TMEM9B: variants seen among roughly 807,000 people sequenced by gnomAD.
TMEM9B encodes the protein TMEM9 domain family member B, also known as transmembrane protein 9B.
A neutral mutation model predicts 23.5 loss-of-function variants in TMEM9B; 8 were observed. The observed-to-expected ratio is 0.34, with a 90% CI of 0.20 to 0.61. The LOEUF (loss-of-function observed/expected upper bound fraction) is 0.61, where lower values mean the gene tolerates loss of function less well. TMEM9B is among the 20% of genes least tolerant of loss of function. TMEM9B has a pLI of 0.78. For synonymous variants in TMEM9B, 106 were observed against 96.3 expected (o/e 1.10, Z -0.59); for missense variants, 197 against 252.3 (o/e 0.78, Z 1.49).
chr11:8,959,504 T>C (rs1445842842), intron 2 of TMEM9B, among the ~76,000 whole-genome samples: 1 of 152,252 alleles, frequency 6.6e-6, no homozygotes, highest in African/African-American at 2.4e-5. Context: ...CTGATCTATT[T>C]AGTTTCCTAC....
intron 3 of TMEM9B, among the ~76,000 whole-genome samples, chr11:8,953,943 T>G (rs1319610130): frequency 6.6e-6 from 1 of 152,194 alleles, no homozygotes; most frequent in Non-Finnish European, 1.5e-5. Flanking sequence ...AACATATATA[T>G]CCATACAAAG....
intron 1 of TMEM9B, chr11:8,963,970 A>T (rs1589950138): frequency 1.9e-6 from 1 of 534,288 alleles, no homozygotes; most frequent in Admixed American, 3.6e-5. Flanking sequence ...GACTGTGGGC[A>T]CTGTCGGGGC....
rs148557257 is a variant in TMEM9B at position 8,959,579 on chromosome 11, G to T, written c.197+2513C>A. Among the ~76,000 whole-genome samples, 596 of 152,342 alleles carry T rather than the reference G, an allele frequency of 3.9e-3. 13 individuals are homozygous for T. Among genetic ancestry groups the T allele is most frequent in the Admixed American group, 0.037 (561 of 15,296 alleles). On this transcript the variant is annotated intron_variant, in intron 2 of 4. Coordinates refer to ENST00000534025, the MANE Select transcript of TMEM9B (RefSeq NM_020644.3). ...CTTGGGAATTTTAAGTGCTAAGTAAGTATTGAGTATTTCTTTTGAAGGATA... is the reference window on the plus strand; with the variant it reads ...CTTGGGAATTTTAAGTGCTAAGTAATTATTGAGTATTTCTTTTGAAGGATA...
At chr11:8,956,101 A>C (rs1054228251) in intron 3 of TMEM9B, 89 bp downstream of exon 3, 105 of 1,266,350 alleles carry the variant, frequency 8.3e-5, no homozygotes, top group Non-Finnish European at 1.0e-4. Context: ...TAGGGGTCCA[A>C]ATTTTTCTGT....
Position 8,964,299 on chromosome 11 carries a change from C to T in TMEM9B, c.15G>A (p.Trp5Ter). 5 of 1,583,440 alleles carry T rather than the reference C, an allele frequency of 3.2e-6. No individual in the cohort carries two copies. Among genetic ancestry groups the T allele is most frequent in the South Asian group, 1.2e-5 (1 of 86,728 alleles). The stretch of plus-strand genomic sequence containing the variant: ...AGGAGCCAAGCCGAAGAAGGCCTCC[C>T]CACAGGGTCGCCATCGCTGGGGGCC... MATL[W>*]GGLLRLGSLL... is the part of the protein sequence containing the mutation. Residue 5 changes from tryptophan (W) to a stop codon, truncating the protein, a stop_gained, in exon 1 of 5, where the codon TGG (tryptophan) becomes TGA (stop). Transcript: ENST00000534025. LOFTEE classifies it high-confidence loss of function.
intron 1 of TMEM9B, chr11:8,963,902 G>T (rs1171567193): frequency 2.4e-6 from 1 of 416,508 alleles, no homozygotes; most frequent in Non-Finnish European, 4.3e-6. Context: ...TCAAGTGTAA[G>T]ATGCGTGCAG....
chr11:8,952,275 C>CAT (rs1416270876), intron 4 of TMEM9B, among the ~76,000 whole-genome samples: 1 of 69,466 alleles, frequency 1.4e-5, no homozygotes, highest in Admixed American at 1.8e-4. Flanking sequence ...CACACACACA[C>CAT]ACACGCTATA....
Position 8,948,487 on chromosome 11 carries a change from G to A in TMEM9B, c.442-12C>T, listed in dbSNP as rs772136257. The A allele has an allele frequency of 4.0e-5, 65 of 1,612,778 alleles. No homozygotes were observed. Among genetic ancestry groups the A allele is most frequent in the Non-Finnish European group, 5.5e-5 (65 of 1,179,394 alleles). On this transcript the variant is annotated splice_polypyrimidine_tract_variant and intron_variant, in intron 4 of 4. Transcript: ENST00000534025. Reference sequence around the variant, plus strand: ...AAAGGCTGGTGATCCTAAAAGTCCAGGAATGGAGAACATTAGAGATGGCAC... The same window carrying A: ...AAAGGCTGGTGATCCTAAAAGTCCAAGAATGGAGAACATTAGAGATGGCAC...
chr11:8,964,079 C>T, intron 1 of TMEM9B, 130 bp downstream of exon 1: 4 of 902,496 alleles, frequency 4.4e-6, no homozygotes, highest in Non-Finnish European at 6.5e-6. Context: ...CGGCGGGGGT[C>T]TGCCGGAGCT....
chr11:8,956,603 TC>T (rs1218660979), intron 2 of TMEM9B, among the ~76,000 whole-genome samples: 2 of 152,102 alleles, frequency 1.3e-5, no homozygotes, highest in Non-Finnish European at 2.9e-5. Flanking sequence ...ACTTAACAAA[TC>T]AAGTCACCTT....
chr11:8,963,355 C>T (rs538888374), intron 1 of TMEM9B, among the ~76,000 whole-genome samples: 21 of 152,332 alleles, frequency 1.4e-4, no homozygotes, highest in African/African-American at 5.1e-4. Flanking sequence ...CAATGTCATT[C>T]TGTTTTCCCA....
chr11:8,960,236 C>T (rs1012089716), intron 2 of TMEM9B, among the ~76,000 whole-genome samples: 16 of 148,070 alleles, frequency 1.1e-4, no homozygotes, highest in African/African-American at 4.0e-4. Flanking sequence ...TCTACCTCTG[C>T]GGCTCAAGCG....
At chr11:8,956,120 G>T in intron 3 of TMEM9B, 70 bp downstream of exon 3, 1 of 1,462,742 alleles carries the variant, frequency 6.8e-7, no homozygotes, top group Non-Finnish European at 9.3e-7. Flanking sequence ...GTCTTGTCTA[G>T]AAACCATCCA....
In TMEM9B at chr11:8,958,959, G is replaced by A. The variant is rs889671328; in HGVS notation, c.198-2661C>T. Reference sequence around the variant, plus strand: ...TGATGGTATTTCAAATACGGGTAAGGCCCCACAACTCTCACCATAAAAGTG... The same window carrying A: ...TGATGGTATTTCAAATACGGGTAAGACCCCACAACTCTCACCATAAAAGTG... On this transcript the variant is annotated intron_variant, in intron 2 of 4. Coordinates refer to ENST00000534025, the MANE Select transcript of TMEM9B (RefSeq NM_020644.3). Among the ~76,000 whole-genome samples, 6 of 152,186 alleles carry A rather than the reference G, an allele frequency of 3.9e-5. 1 individual carries two copies. Among genetic ancestry groups the A allele is most frequent in the Non-Finnish European group, 7.4e-5 (5 of 68,016 alleles).
At chr11:8,953,467 T>C in intron 3 of TMEM9B, 130 bp from the exon 4 acceptor site, 1 of 885,228 alleles carries the variant, frequency 1.1e-6, no homozygotes, top group East Asian at 2.7e-5. Context: ...GATAGCAATA[T>C]AAGAAATAAA....
intron 4 of TMEM9B, among the ~76,000 whole-genome samples, chr11:8,952,281 CTA>C (rs58750330): frequency 0.54 from 79,225 of 147,244 alleles, 21,508 homozygotes; most frequent in East Asian, 0.73. Flanking sequence ...CACACACACG[CTA>C]TATATATATA....
intron 2 of TMEM9B, among the ~76,000 whole-genome samples, chr11:8,961,469 T>G (rs1252371551): frequency 1.3e-5 from 2 of 152,234 alleles, no homozygotes; most frequent in Non-Finnish European, 2.9e-5. Context: ...AAAAGCTATT[T>G]GTCAGGTCTG....
intron 2 of TMEM9B, among the ~76,000 whole-genome samples, chr11:8,959,996 T>A (rs1046994869): frequency 5.3e-5 from 8 of 152,144 alleles, no homozygotes; most frequent in African/African-American, 1.7e-4. Flanking sequence ...CCCCGTAAAG[T>A]CAGTTAAAAT....
chr11:8,960,577 A>G (rs1255520454), intron 2 of TMEM9B, among the ~76,000 whole-genome samples: 4 of 152,204 alleles, frequency 2.6e-5, no homozygotes, highest in African/African-American at 9.7e-5. Context: ...TTCATTTGCT[A>G]CTCAAAAGAC....
Sources: allele counts gnomAD v4.1 joint callset (sites outside exome capture counted in the v4.1 genomes callset), GRCh38; gene constraint gnomAD v4.1.1; transcripts MANE v1.5; gene names NCBI Gene and HGNC (gene_info 2026-07-23, HGNC 2026-07-21).